The following COL9A1 variants were observed in gnomAD, a reference collection of about 807,000 sequenced individuals.
The protein encoded by COL9A1 is collagen type IX alpha 1 chain.
COL9A1 carries 104 observed loss-of-function variants against 142.6 expected under a neutral mutation model. That is an observed-to-expected ratio of 0.73 (90% CI 0.62 to 0.86). The LOEUF is 0.86. Among genes scored for constraint, COL9A1 ranks in the 40% least tolerant of loss-of-function variants. COL9A1 has a pLI of 0.00. For synonymous variants in COL9A1, 466 were observed against 396.0 expected, an observed-to-expected ratio of 1.18 and a Z score of -2.10; for missense variants, 1,210 against 1,176.6, an observed-to-expected ratio of 1.03 and a Z score of -0.42.
At chr6:70,301,938 A>T in intron 2 of COL9A1, 63 bp downstream of exon 2, 1 of 1,333,970 alleles carries the variant, frequency 7.5e-7, no homozygotes, top group South Asian at 1.2e-5. Context: ...AGTCAGCCAC[A>T]GCCCTGCCTG....
rs1769784485 is a variant in COL9A1, at chr6:70,234,687, T to C, written c.2260-94A>G. ...CTGACAGACTCTGCAAGGAGCCAGG[T>C]GGCTGGATTTACAAGAGAACTTGTT... On this transcript the variant is annotated intron_variant, in intron 34 of 37. Transcript: ENST00000357250. The C allele has an allele frequency of 8.1e-6, 13 of 1,603,840 alleles. No homozygotes were observed. The East Asian group carries it at 2.9e-4, about 36-fold the overall frequency.
intron 35 of COL9A1, 82 bp from the exon 36 acceptor site, chr6:70,232,853 C>CT (rs1562291455): frequency 4.3e-6 from 6 of 1,384,722 alleles, no homozygotes; most frequent in Middle Eastern, 3.5e-4. Context: ...TTCCAAATGC[C>CT]TTTTTTTCTA....
At position 70,255,527 on chromosome 6, in the gene COL9A1, A is replaced by G. The variant is rs1008537969; in HGVS notation, c.1504-137T>C. ...GCTTTGCTCTATCAAGGAAGCCTAG[A>G]TGAAGAAGTCTTTTTATAAAAACGG... On this transcript the variant is annotated intron_variant, in intron 21 of 37. Coordinates refer to ENST00000357250, the MANE Select transcript of COL9A1 (RefSeq NM_001851.6). The G allele has an allele frequency of 1.7e-5, 13 of 749,618 alleles. No homozygotes were observed. In the African/African-American group the frequency reaches 2.3e-4, roughly 13 times the overall value. The allele number at this position is 749,618 out of a possible 1,614,324, so 46.4% of individuals were successfully genotyped here.
At chr6:70,282,761 G>C in intron 7 of COL9A1, 137 bp downstream of exon 7, 1 of 1,319,544 alleles carries the variant, frequency 7.6e-7, no homozygotes, top group Non-Finnish European at 1.1e-6. Flanking sequence ...CGCGGCAGGT[G>C]CTCGAGGCTG....
chr6:70,224,422 A>T (rs1769096358), intron 37 of COL9A1, among the ~76,000 whole-genome samples: 1 of 152,218 alleles, frequency 6.6e-6, no homozygotes. Context: ...GTGGCTTACC[A>T]ACAGATTATT....
chr6:70,294,055 A>G, intron 5 of COL9A1, 112 bp downstream of exon 5: 2 of 1,432,870 alleles, frequency 1.4e-6, no homozygotes, highest in South Asian at 1.2e-5. Context: ...TCTGATTCCA[A>G]ATTCCATCTG....
chr6:70,301,244 A>T (rs1033816841), intron 2 of COL9A1, among the ~76,000 whole-genome samples: 1 of 152,104 alleles, frequency 6.6e-6, no homozygotes, highest in Admixed American at 6.5e-5. Context: ...TCATCTGACA[A>T]CAGAGACTCT....
At chr6:70,282,966 T>C (rs1773266148) in intron 6 of COL9A1, 48 bp from the exon 7 acceptor site, 1 of 1,613,848 alleles carries the variant, frequency 6.2e-7, no homozygotes, top group Admixed American at 1.7e-5. Context: ...CCCCTCAAAC[T>C]CGATCGCAAC....
At chr6:70,226,591 T>A (rs957667171) in intron 36 of COL9A1, among the ~76,000 whole-genome samples, 2 of 151,946 alleles carry the variant, frequency 1.3e-5, no homozygotes, top group African/African-American at 4.8e-5. Context: ...ACACAACCAG[T>A]AATAAGACAT....
chr6:70,279,092 T>C (rs1772948251), intron 10 of COL9A1, among the ~76,000 whole-genome samples: 2 of 152,364 alleles, frequency 1.3e-5, no homozygotes, highest in African/African-American at 4.8e-5. Flanking sequence ...CAAAATAATT[T>C]TTTTAATTTA....
intron 5 of COL9A1, among the ~76,000 whole-genome samples, chr6:70,293,328 T>C (rs1015608313): frequency 6.6e-6 from 1 of 152,174 alleles, no homozygotes; most frequent in Non-Finnish European, 1.5e-5. Flanking sequence ...AAACATCCTT[T>C]TAAAGCATTG....
Position 70,252,103 on chromosome 6 carries a change from C to G in COL9A1, c.1872+17G>C. On this transcript the variant is annotated intron_variant, in intron 28 of 37. Transcript: ENST00000357250. ...CCTGAGAAGGTGCTTTAGGAAAGAACAGCAAGGAATACTCACAGGAAGCCC... is the reference window on the plus strand; with the variant it reads ...CCTGAGAAGGTGCTTTAGGAAAGAAGAGCAAGGAATACTCACAGGAAGCCC... 1.2e-6 allele frequency: 2 copies of G among 1,613,442 alleles called. No homozygotes were observed. The highest frequency in any genetic ancestry group is 1.7e-6 in the Non-Finnish European group (2 of 1,179,442).
chr6:70,262,022 C>A (rs1409152255), intron 19 of COL9A1, among the ~76,000 whole-genome samples: 1 of 152,154 alleles, frequency 6.6e-6, no homozygotes, highest in Non-Finnish European at 1.5e-5. Context: ...ACTTGAGCCA[C>A]GCAGTACCCA....
At chr6:70,234,411 A>G in intron 35 of COL9A1, 128 bp downstream of exon 35, 1 of 902,514 alleles carries the variant, frequency 1.1e-6, no homozygotes, top group South Asian at 1.4e-5. Flanking sequence ...CATTAATATT[A>G]CCCTAAATGT....
chr6:70,234,710 G>C (rs1191436609), intron 34 of COL9A1, 84 bp downstream of exon 34: 7 of 1,605,734 alleles, frequency 4.4e-6, no homozygotes, highest in South Asian at 1.1e-5. Context: ...AAGAGAACTT[G>C]TTGAGAAGCT....
chr6:70,218,519 T>C (rs1157760393), intron 37 of COL9A1, among the ~76,000 whole-genome samples: 1 of 152,208 alleles, frequency 6.6e-6, no homozygotes, highest in Non-Finnish European at 1.5e-5. Flanking sequence ...AAACAAATTG[T>C]GTATGCCAAA....
Position 70,282,930 on chromosome 6 carries a change from A to C in COL9A1, c.781-12T>G. The stretch of plus-strand genomic sequence containing the variant: ...GTGGTCTGGCTGGGCTGGAGAAGAA[A>C]AGATGGGGAGAAAGTGAGAAAAGCA... On this transcript the variant is annotated splice_polypyrimidine_tract_variant and intron_variant, in intron 6 of 37. Transcript: ENST00000357250. 6.2e-7 allele frequency: 1 copy of C among 1,614,142 alleles called. No homozygotes were observed. Among genetic ancestry groups the C allele is most frequent in the Non-Finnish European group, 8.5e-7 (1 of 1,180,026 alleles).
At position 70,300,396 on chromosome 6, in the gene COL9A1, A is replaced by T. The variant is rs1774018482; in HGVS notation, c.89-10T>A. ...GAATTGACAGGGAATCCTGCAAAAG[A>T]GATAGCATGTCATTCTACTTCATCC... On this transcript the variant is annotated splice_polypyrimidine_tract_variant and intron_variant, in intron 2 of 37. Coordinates refer to ENST00000357250, the MANE Select transcript of COL9A1 (RefSeq NM_001851.6). The T allele has an allele frequency of 1.3e-6, 2 of 1,567,684 alleles. No homozygotes were observed. Among genetic ancestry groups the T allele is most frequent in the Non-Finnish European group, 1.8e-6 (2 of 1,138,080 alleles).
chr6:70,231,561 G>A (rs961806443), intron 36 of COL9A1, among the ~76,000 whole-genome samples: 13 of 149,592 alleles, frequency 8.7e-5, no homozygotes, highest in Non-Finnish European at 1.3e-4. Context: ...CTCTGAACAC[G>A]CCAAAAAAAA....
Sources: allele counts gnomAD v4.1 joint callset (sites outside exome capture counted in the v4.1 genomes callset), GRCh38; gene constraint gnomAD v4.1.1; transcripts MANE v1.5; gene names NCBI Gene and HGNC (gene_info 2026-07-23, HGNC 2026-07-21).